CSMD1: variants seen among roughly 807,000 people sequenced by gnomAD.
CSMD1 encodes CUB and Sushi multiple domains 1, also known as CUB and sushi domain-containing protein 1.
Under a neutral mutation model 417.5 loss-of-function variants are expected in CSMD1, and 213 were observed. The ratio of observed to expected loss-of-function variants is 0.51; its 90% CI spans 0.46 to 0.57. The LOEUF (loss-of-function observed/expected upper bound fraction) is 0.57, where lower values mean the gene tolerates loss of function less well. CSMD1 is among the 20% of genes least tolerant of loss of function. CSMD1 has a pLI of 0.00. For synonymous variants in CSMD1, 2,862 were observed against 1,736.8 expected (o/e 1.65, Z -16.11); for missense variants, 6,923 against 4,529.7 (o/e 1.53, Z -15.17).
chr8:4,918,573 G>A (rs926950371), intron 1 of CSMD1, among the ~76,000 whole-genome samples: 6 of 152,128 alleles, frequency 3.9e-5, no homozygotes, highest in African/African-American at 1.4e-4. Flanking sequence ...CAAGCACTGC[G>A]AGTTGTGCTT....
intron 3 of CSMD1, among the ~76,000 whole-genome samples, chr8:4,105,424 G>C (rs1412500487): frequency 1.3e-5 from 2 of 152,082 alleles, no homozygotes; most frequent in Non-Finnish European, 2.9e-5. Flanking sequence ...AAAGAGCATG[G>C]ACACTGGTTA....
chr8:4,427,254 C>G (rs112259699), intron 2 of CSMD1, among the ~76,000 whole-genome samples: 2 of 152,142 alleles, frequency 1.3e-5, no homozygotes, highest in South Asian at 4.1e-4. Flanking sequence ...GGTCCTCAGT[C>G]CAAGAGATCA....
intron 7 of CSMD1, among the ~76,000 whole-genome samples, chr8:3,697,159 T>C (rs1412409668): frequency 6.6e-6 from 1 of 152,206 alleles, no homozygotes; most frequent in Non-Finnish European, 1.5e-5. Flanking sequence ...TTTTTTGTTT[T>C]TGAAACTTTT....
At chr8:4,471,271 C>A (rs1350158815) in intron 2 of CSMD1, among the ~76,000 whole-genome samples, 2 of 152,066 alleles carry the variant, frequency 1.3e-5, no homozygotes, top group East Asian at 3.8e-4. Context: ...AAATCAGGAA[C>A]AATAAATTTC....
chr8:4,023,839 G>T (rs147277676), intron 4 of CSMD1, among the ~76,000 whole-genome samples: 1 of 130,328 alleles, frequency 7.7e-6, no homozygotes, highest in African/African-American at 2.9e-5. Context: ...GGATGGCCTC[G>T]ATCTCCTGAC....
chr8:3,986,450 G>C (rs992551726), intron 5 of CSMD1, among the ~76,000 whole-genome samples: 4 of 151,994 alleles, frequency 2.6e-5, no homozygotes, highest in African/African-American at 9.7e-5. Context: ...GAAATATCAG[G>C]GTATAGCCAT....
At chr8:4,057,125 G>C (rs961820756) in intron 3 of CSMD1, among the ~76,000 whole-genome samples, 1 of 152,140 alleles carries the variant, frequency 6.6e-6, no homozygotes, top group Admixed American at 6.5e-5. Context: ...ACTTCCACAA[G>C]GGTTGAACTA....
chr8:4,482,860 T>G (rs935476178), intron 2 of CSMD1, among the ~76,000 whole-genome samples: 2 of 152,198 alleles, frequency 1.3e-5, no homozygotes, highest in African/African-American at 4.8e-5. Context: ...GCTATTTATG[T>G]TTTTTTAAGG....
chr8:3,776,297 G>A (rs1798883406), intron 5 of CSMD1, among the ~76,000 whole-genome samples: 1 of 152,064 alleles, frequency 6.6e-6, no homozygotes, highest in South Asian at 2.1e-4. Context: ...TGTCCAGAGG[G>A]GTCACATACA....
intron 3 of CSMD1, among the ~76,000 whole-genome samples, chr8:4,267,672 G>T (rs1246044040): frequency 6.6e-6 from 1 of 151,874 alleles, no homozygotes; most frequent in Non-Finnish European, 1.5e-5. Flanking sequence ...TTAGGCTTTG[G>T]CTTCACTCCC....
intron 18 of CSMD1, among the ~76,000 whole-genome samples, chr8:3,384,030 G>C (rs1810807005): frequency 6.6e-6 from 1 of 152,066 alleles, no homozygotes; most frequent in Non-Finnish European, 1.5e-5. Context: ...AGACAATTAA[G>C]GTTCAACCCT....
intron 3 of CSMD1, among the ~76,000 whole-genome samples, chr8:4,220,573 T>A (rs573167926): frequency 6.6e-6 from 1 of 152,304 alleles, no homozygotes; most frequent in Non-Finnish European, 1.5e-5. Context: ...GTGAAATAAT[T>A]GTGGCTTTTC....
chr8:3,183,746 G>T (rs1470095265), intron 36 of CSMD1, among the ~76,000 whole-genome samples: 2 of 152,172 alleles, frequency 1.3e-5, no homozygotes, highest in Non-Finnish European at 2.9e-5. Context: ...CACATTCAAA[G>T]CTTCCTCTTT....
chr8:4,019,403 G>A (rs1796677190), intron 4 of CSMD1, among the ~76,000 whole-genome samples: 1 of 152,110 alleles, frequency 6.6e-6, no homozygotes. Context: ...TACCAAGTCT[G>A]CTTTTAGCTT....
intron 8 of CSMD1, among the ~76,000 whole-genome samples, chr8:3,592,706 G>A (rs1800906868): frequency 2.0e-5 from 3 of 152,004 alleles, no homozygotes; most frequent in Non-Finnish European, 4.4e-5. Context: ...GTGTGTGTGT[G>A]TGTGAGTATG....
At chr8:3,865,387 C>G (rs1805014850) in intron 5 of CSMD1, among the ~76,000 whole-genome samples, 1 of 152,172 alleles carries the variant, frequency 6.6e-6, no homozygotes, top group Non-Finnish European at 1.5e-5. Flanking sequence ...CACATTCCCT[C>G]AGTCCCTGGG....
chr8:4,106,903 A>G (rs969891904), intron 3 of CSMD1, among the ~76,000 whole-genome samples: 1 of 152,208 alleles, frequency 6.6e-6, no homozygotes, highest in African/African-American at 2.4e-5. Context: ...TTAAAAACAA[A>G]TCAATAGGCT....
chr8:3,993,884 G>T (rs1251656298), intron 5 of CSMD1, among the ~76,000 whole-genome samples: 1 of 152,182 alleles, frequency 6.6e-6, no homozygotes, highest in Admixed American at 6.5e-5. Context: ...ATCGACAAAA[G>T]ATAGGCAGTG....
chr8:3,834,713 T>C (rs186002047), intron 5 of CSMD1, among the ~76,000 whole-genome samples: 3 of 152,114 alleles, frequency 2.0e-5, no homozygotes, highest in Admixed American at 2.0e-4. Flanking sequence ...CTTGGGCAGA[T>C]TAGAAATTTG....
Sources: allele counts gnomAD v4.1 joint callset (sites outside exome capture counted in the v4.1 genomes callset), GRCh38; gene constraint gnomAD v4.1.1; transcripts MANE v1.5; gene names NCBI Gene and HGNC (gene_info 2026-07-23, HGNC 2026-07-21).